DNAAF4: variants seen among roughly 807,000 people sequenced by gnomAD.
DNAAF4 encodes dynein axonemal assembly factor 4, also known as dynein assembly factor 4, axonemal.
In DNAAF4, 43 loss-of-function variants were observed where a neutral mutation model predicts 51.8. The ratio of observed to expected loss-of-function variants is 0.83; its 90% CI spans 0.65 to 1.07. The LOEUF (loss-of-function observed/expected upper bound fraction) is 1.07, where lower values mean the gene tolerates loss of function less well. Ranked by LOEUF, DNAAF4 falls within the 50% of genes least tolerant of loss-of-function variation. The probability of loss-of-function intolerance (pLI) is 0.00; values close to 1 mark genes in which losing one functional copy is unlikely to be tolerated. For synonymous variants in DNAAF4, 194 were observed against 165.6 expected (o/e 1.17, Z -1.32); for missense variants, 581 against 493.0 (o/e 1.18, Z -1.69).
intron 4 of DNAAF4, among the ~76,000 whole-genome samples, chr15:55,474,228 C>T (rs909948974): frequency 2.0e-5 from 3 of 151,988 alleles, no homozygotes; most frequent in African/African-American, 7.2e-5. Flanking sequence ...GTAAGTTCAG[C>T]AAGGCAGTCA....
intron 3 of DNAAF4, chr15:55,495,205 A>T (rs1422639269): frequency 1.9e-5 from 1 of 53,110 alleles, no homozygotes; most frequent in African/African-American, 2.3e-4. Flanking sequence ...GGGGCTCACT[A>T]AAAAAAAAAA....
intron 6 of DNAAF4, among the ~76,000 whole-genome samples, chr15:55,441,478 T>C (rs2057712279): frequency 6.6e-6 from 1 of 152,188 alleles, no homozygotes; most frequent in Admixed American, 6.5e-5. Flanking sequence ...GTTTGTTACA[T>C]ATGTATACAT....
intron 1 of DNAAF4, among the ~76,000 whole-genome samples, chr15:55,506,201 A>T (rs1388515389): frequency 6.6e-6 from 1 of 152,236 alleles, no homozygotes; most frequent in Non-Finnish European, 1.5e-5. Context: ...AACAAAGAGA[A>T]CATATAAACA....
At chr15:55,431,542 T>C (rs1419732145) in intron 9 of DNAAF4, among the ~76,000 whole-genome samples, 4 of 151,478 alleles carry the variant, frequency 2.6e-5, no homozygotes, top group Admixed American at 2.0e-4. Context: ...TGGCGTGATC[T>C]TGGCTCACTG....
rs1243398737 is a variant in DNAAF4 at position 55,439,558 on chromosome 15, T to A, written c.807A>T (p.Ala269=). ...EEEWLHKQAE[A]RRAMNTDIAE... ...CTATGTCAGTATTCATTGCTCTTCGTGCCTCAGCTTGTTTGTGTAGCCACT... is the reference window on the plus strand; with the variant it reads ...CTATGTCAGTATTCATTGCTCTTCGAGCCTCAGCTTGTTTGTGTAGCCACT... Residue 269 remains alanine (A), a synonymous_variant, in exon 7 of 10, where the codon GCA becomes GCT. Transcript: ENST00000321149. 4 of 1,614,044 alleles carry A rather than the reference T, an allele frequency of 2.5e-6. No individual in the cohort carries two copies. In the Admixed American group the frequency reaches 6.7e-5, roughly 27 times the overall value.
chr15:55,502,633 G>A (rs1050115254), intron 1 of DNAAF4, among the ~76,000 whole-genome samples: 10 of 152,170 alleles, frequency 6.6e-5, no homozygotes, highest in East Asian at 3.9e-4. Context: ...TCTTCCCTAC[G>A]TGATGACTGG....
chr15:55,449,363 T>TA (rs1359563679), intron 6 of DNAAF4, among the ~76,000 whole-genome samples: 1 of 151,354 alleles, frequency 6.6e-6, no homozygotes, highest in East Asian at 2.0e-4. Flanking sequence ...AGCCTCGCAG[T>TA]AAAAAAATGC....
intron 1 of DNAAF4, among the ~76,000 whole-genome samples, chr15:55,502,678 G>A (rs1230914292): frequency 6.6e-6 from 1 of 152,118 alleles, no homozygotes; most frequent in African/African-American, 2.4e-5. Context: ...GAATTACTGG[G>A]TAAATATCGA....
chr15:55,440,519 C>T (rs1355352821), intron 6 of DNAAF4, among the ~76,000 whole-genome samples: 8 of 152,066 alleles, frequency 5.3e-5, no homozygotes, highest in African/African-American at 1.9e-4. Flanking sequence ...GCTGGGACTA[C>T]AGGCACCCAC....
At chr15:55,501,731 C>G (rs374849563) in intron 1 of DNAAF4, among the ~76,000 whole-genome samples, 1 of 151,168 alleles carries the variant, frequency 6.6e-6, no homozygotes, top group Non-Finnish European at 1.5e-5. Context: ...AAATTAAAAA[C>G]GAACTAAAAT....
intron 3 of DNAAF4, among the ~76,000 whole-genome samples, chr15:55,492,313 T>C (rs1595953897): frequency 2.0e-5 from 3 of 149,308 alleles, no homozygotes; most frequent in Non-Finnish European, 4.4e-5. Flanking sequence ...AGGAGAAAAC[T>C]TGAGGGGAAG....
chr15:55,487,458 T>C (rs1355965405), intron 4 of DNAAF4, among the ~76,000 whole-genome samples: 1 of 152,030 alleles, frequency 6.6e-6, no homozygotes, highest in Non-Finnish European at 1.5e-5. Context: ...AATAAGGGAA[T>C]AAAAGCTGGC....
At chr15:55,474,084 G>A (rs1351094390) in intron 4 of DNAAF4, among the ~76,000 whole-genome samples, 3 of 152,112 alleles carry the variant, frequency 2.0e-5, no homozygotes, top group African/African-American at 7.2e-5. Context: ...TATTTTCCTA[G>A]AGGTCAGAAC....
At chr15:55,442,350 C>T (rs770366239) in intron 6 of DNAAF4, among the ~76,000 whole-genome samples, 124 of 152,190 alleles carry the variant, frequency 8.1e-4, no homozygotes, top group African/African-American at 2.4e-3. Context: ...AACTCCTGAG[C>T]TCAGGCAATC....
intron 3 of DNAAF4, among the ~76,000 whole-genome samples, chr15:55,497,040 C>T (rs1273230471): frequency 1.3e-5 from 2 of 152,078 alleles, no homozygotes; most frequent in Non-Finnish European, 1.5e-5. Context: ...ATCACATTTC[C>T]TATCTATTCT....
chr15:55,473,197 A>AT (rs1342406167), intron 4 of DNAAF4, among the ~76,000 whole-genome samples: 19 of 64,442 alleles, frequency 2.9e-4, no homozygotes, highest in African/African-American at 8.4e-4. Flanking sequence ...TAAAAAAAAA[A>AT]AATATATATA....
At chr15:55,452,827 C>T (rs550396599) in intron 5 of DNAAF4, among the ~76,000 whole-genome samples, 1 of 152,270 alleles carries the variant, frequency 6.6e-6, no homozygotes, top group South Asian at 2.1e-4. Flanking sequence ...AGATTAATAT[C>T]AATGGCTGGA....
At chr15:55,494,566 C>G (rs2141595434) in intron 3 of DNAAF4, among the ~76,000 whole-genome samples, 1 of 152,190 alleles carries the variant, frequency 6.6e-6, no homozygotes, top group Non-Finnish European at 1.5e-5. Flanking sequence ...CATCCACTAC[C>G]ACGCCTGACG....
intron 4 of DNAAF4, among the ~76,000 whole-genome samples, chr15:55,471,342 G>A (rs1700020059): frequency 1.3e-5 from 2 of 152,014 alleles, no homozygotes; most frequent in South Asian, 2.1e-4. Flanking sequence ...AAGGGATTAG[G>A]AGCTCTGTGT....
Sources: allele counts gnomAD v4.1 joint callset (sites outside exome capture counted in the v4.1 genomes callset), GRCh38; gene constraint gnomAD v4.1.1; transcripts MANE v1.5; gene names NCBI Gene and HGNC (gene_info 2026-07-23, HGNC 2026-07-21).